The following THY1 variants were observed in gnomAD, a reference collection of about 807,000 sequenced individuals.
The protein encoded by THY1 is Thy-1 cell surface antigen.
In THY1, 10 loss-of-function variants were observed where a neutral mutation model predicts 14.9. That is an observed-to-expected ratio of 0.67 (90% confidence interval 0.41 to 1.14). THY1 has a LOEUF of 1.14. Ranked by LOEUF, THY1 falls within the 50% of genes most tolerant of loss-of-function variation. The probability of loss-of-function intolerance (pLI) is 0.00; values close to 1 mark genes in which losing one functional copy is unlikely to be tolerated. For missense variants in THY1, 159 were observed against 202.1 expected (o/e 0.79, Z 1.29); for synonymous variants, 80 against 90.0 (o/e 0.89, Z 0.63).
chr11:119,423,297 G>A, upstream of THY1: 7 of 347,896 alleles, frequency 2.0e-5, no homozygotes, highest in South Asian at 4.0e-5. Context: ...GTGGGGGGTG[G>A]GGAAGGAAGA....
Position 119,419,948 on chromosome 11 carries a change from C to T in THY1, c.373+103G>A, listed in dbSNP as rs1025000028. On this transcript the variant is annotated intron_variant, in intron 3 of 3. Coordinates refer to ENST00000284240, the MANE Select transcript of THY1 (RefSeq NM_006288.5). ...GGCAGCAGTTGGGAGAGGGTGAGAG[C>T]GTTATGGGGCTATTCTCCTCTCTAG... is the stretch of plus-strand genomic sequence containing the variant. The T allele has an allele frequency of 1.4e-5, 17 of 1,244,232 alleles. No individual in the cohort carries two copies. The East Asian group carries it at 2.3e-4, about 17-fold the overall frequency. The allele number at this position is 1,244,232 out of a possible 1,614,324, so 77.1% of individuals were successfully genotyped here. A position where few individuals can be genotyped will look rare whatever the true frequency, so the allele number is the denominator to read the frequency against.
rs1157233308 is a variant in THY1 at position 119,416,819 on chromosome 11, T to C, written c.*2589A>G. On this transcript the variant is annotated 3_prime_UTR_variant, in exon 4 of 4. Coordinates refer to ENST00000284240, the MANE Select transcript of THY1 (RefSeq NM_006288.5). ...CTTCTCTTCTCCTTTCCGAAGTCCGTGGCCCTCTGGTGGCCTCTGTGGCTT... is the reference window on the plus strand; with the variant it reads ...CTTCTCTTCTCCTTTCCGAAGTCCGCGGCCCTCTGGTGGCCTCTGTGGCTT... 6.6e-6 allele frequency among the ~76,000 whole-genome samples: 1 copy of C among 152,230 alleles called. No homozygotes were observed. The highest frequency in any genetic ancestry group is 2.4e-5 in the African/African-American group (1 of 41,472).
chr11:119,419,977 A>C, intron 3 of THY1, 74 bp downstream of exon 3: 3 of 1,480,592 alleles, frequency 2.0e-6, no homozygotes, highest in Non-Finnish European at 2.7e-6. Flanking sequence ...TCTCTAGTCC[A>C]GCCAAGGGAA....
In THY1 at chr11:119,419,144, A is replaced by C; in HGVS notation, c.*264T>G. ...TCTTCACGAACTCTCAAAGAAAAGG[A>C]AGGATAAAACCTAAATAAACCAGAC... is the stretch of plus-strand genomic sequence containing the variant. On this transcript the variant is annotated 3_prime_UTR_variant, in exon 4 of 4. Coordinates refer to ENST00000284240, the MANE Select transcript of THY1 (RefSeq NM_006288.5). 1 of 467,828 alleles carries C rather than the reference A, an allele frequency of 2.1e-6. No individual in the cohort carries two copies. Among genetic ancestry groups the C allele is most frequent in the Non-Finnish European group, 4.0e-6 (1 of 250,000 alleles). The allele number at this position is 467,828 out of a possible 1,614,324, so 29.0% of individuals were successfully genotyped here. A position where few individuals can be genotyped will look rare whatever the true frequency, so the allele number is the denominator to read the frequency against.
chr11:119,424,713 T>C (rs1044755440), upstream of THY1, among the ~76,000 whole-genome samples: 1 of 152,058 alleles, frequency 6.6e-6, no homozygotes, highest in African/African-American at 2.4e-5. Context: ...GTCTGCACTT[T>C]TCTCACGCTC....
chr11:119,419,280 A>T lies in THY1; in HGVS notation c.*128T>A. 1 of 819,876 alleles carries T rather than the reference A, an allele frequency of 1.2e-6. No individual in the cohort carries two copies. Among genetic ancestry groups the T allele is most frequent in the Non-Finnish European group, 2.1e-6 (1 of 480,636 alleles). 50.8% of individuals were successfully genotyped at this position (819,876 alleles called of 1,614,324 possible). On this transcript the variant is annotated 3_prime_UTR_variant, in exon 4 of 4. Coordinates refer to ENST00000284240, the MANE Select transcript of THY1 (RefSeq NM_006288.5). ...ATCGCATGCAGCACTGGAACTCCTG[A>T]TGAGGGGTGGGGTCCCCACTTCTCC...
chr11:119,418,939 C>CTGG lies in THY1; in HGVS notation c.*468_*469insCCA. 1 of 195,524 alleles carries CTGG rather than the reference C, an allele frequency of 5.1e-6. No individual in the cohort carries two copies. 12.1% of individuals were successfully genotyped at this position (195,524 alleles called of 1,614,324 possible). The stretch of plus-strand genomic sequence containing the variant: ...CACCAGCCATGCCTGCCGAGGAGTG[C>CTGG]TGTCAGGACAGACCATGTCCGTGCT... On this transcript the variant is annotated 3_prime_UTR_variant, in exon 4 of 4. Transcript: ENST00000284240.
At position 119,419,661 on chromosome 11, in the gene THY1, G is replaced by C. The variant is rs762509149; in HGVS notation, c.374-141C>G. 163 of 658,574 alleles carry C rather than the reference G, an allele frequency of 2.5e-4. 1 individual carries two copies. The highest frequency in any genetic ancestry group is 1.2e-3 in the South Asian group (66 of 53,778). 40.8% of individuals were successfully genotyped at this position (658,574 alleles called of 1,614,324 possible). On this transcript the variant is annotated intron_variant, in intron 3 of 3. Coordinates refer to ENST00000284240, the MANE Select transcript of THY1 (RefSeq NM_006288.5). ...CTTAGCTGGGACCAGGAACAGCCCG[G>C]TCTCACAGAACCAGCCATCTTTCCC...
rs1170243524 is a variant in THY1 at position 119,418,172 on chromosome 11, G to C, written c.*1236C>G. 5.9e-5 allele frequency: 9 copies of C among 152,662 alleles called. No homozygotes were observed. Among genetic ancestry groups the C allele is most frequent in the Admixed American group, 5.9e-4 (9 of 15,294 alleles). The allele number at this position is 152,662 out of a possible 1,614,324, so 9.5% of individuals were successfully genotyped here. ...GGAGGAGCGAAGGCCAGGTGGACACGAGGACAGATTCCAGAGGCTTGGTTT... is the reference window on the plus strand; with the variant it reads ...GGAGGAGCGAAGGCCAGGTGGACACCAGGACAGATTCCAGAGGCTTGGTTT... On this transcript the variant is annotated 3_prime_UTR_variant, in exon 4 of 4. Coordinates refer to ENST00000284240, the MANE Select transcript of THY1 (RefSeq NM_006288.5).
At chr11:119,421,315 T>C (rs1282791329) in intron 1 of THY1, 1 of 165,316 alleles carries the variant, frequency 6.0e-6, no homozygotes, top group Non-Finnish European at 1.3e-5. Context: ...ACAAAAAGCA[T>C]AATAATTACT....
At chr11:119,423,427 C>T (rs2082050), upstream of THY1, 1,282 of 354,928 alleles carry the variant, frequency 3.6e-3, 2 homozygotes, top group Non-Finnish European at 5.6e-3. Flanking sequence ...CAGGGTGCGG[C>T]AGCCCAAAGA....
At chr11:119,419,541 CG>C in intron 3 of THY1, 21 bp from the exon 4 acceptor site, 4 of 1,597,484 alleles carry the variant, frequency 2.5e-6, no homozygotes, top group Non-Finnish European at 2.6e-6. Context: ...AGAAGGGGGC[CG>C]GGGGCAGGGT....
chr11:119,423,277 G>T, upstream of THY1: 1 of 360,620 alleles, frequency 2.8e-6, no homozygotes, highest in Non-Finnish European at 5.6e-6. Context: ...AGAAAGGACG[G>T]CAGGGTGGGG....
At position 119,420,881 on chromosome 11, in the gene THY1, G is replaced by C. The variant is rs191290647; in HGVS notation, c.25C>G (p.Leu9Val). The change falls in exon 2 of 4, where the codon CTC (leucine) becomes GTC (valine). Residue 9 changes from leucine to valine, a missense_variant. Physicochemically the swap from Leu to Val is conservative, Grantham distance 32. Transcript: ENST00000284240. The stretch of plus-strand genomic sequence containing the variant: ...CCATGCCGGGTACCTGTTAGCAGGA[G>C]AGCGATGCTGATGGCCAGGTTCATG... MNLAISIA[L>V]LLTVLQVSRG... 1.0e-4 allele frequency: 168 copies of C among 1,614,164 alleles called. 4 individuals carry two copies. The Admixed American group carries it at 2.7e-3, about 26-fold the overall frequency.
rs1861926330 is a variant in THY1 at position 119,422,476 on chromosome 11, G to C, written c.-25+637C>G. The C allele has an allele frequency of 6.2e-6, 1 of 161,918 alleles. No individual in the cohort carries two copies. 10.0% of individuals were successfully genotyped at this position (161,918 alleles called of 1,614,324 possible). On this transcript the variant is annotated intron_variant, in intron 1 of 3. Coordinates refer to ENST00000284240, the MANE Select transcript of THY1 (RefSeq NM_006288.5). The surrounding 1 kb of genome is among the most constrained non-coding windows in gnomAD (Gnocchi z 7.0). ...GTGTCCTCAGGCGGCTCCAGACCCA[G>C]AGAAGGTCTGCTCTTCCTCCCTCTC...
At chr11:119,423,092 C>T (rs1485545003) in intron 1 of THY1, 21 bp downstream of exon 1, 1 of 456,092 alleles carries the variant, frequency 2.2e-6, no homozygotes, top group East Asian at 7.0e-5. Context: ...AGCCCCAGGT[C>T]CCACCGGCTC....
chr11:119,420,141 T>C lies in THY1; in HGVS notation c.283A>G (p.Thr95Ala). The change falls in exon 3 of 4, where the codon ACT becomes GCT. Residue 95 changes from threonine (T) to alanine (A), a missense_variant. Thr to Ala is a moderately conservative substitution (Grantham distance 58, BLOSUM62 0). Transcript: ENST00000284240. ...NMKVLYLSAFTSKDEGTYTCA... is the reference protein window; with the variant it reads ...NMKVLYLSAFASKDEGTYTCA... ...GTGTAGGTGCCCTCGTCCTTGCTAG[T>C]GAAGGCGGATAAGTAGAGGACCTTC... The C allele has an allele frequency of 1.9e-6, 3 of 1,614,232 alleles. No homozygotes were observed. The highest frequency in any genetic ancestry group is 2.5e-6 in the Non-Finnish European group (3 of 1,180,040).
At position 119,420,313 on chromosome 11, in the gene THY1, G is replaced by C; in HGVS notation, c.111C>G (p.Asp37Glu). The C allele has an allele frequency of 6.2e-7, 1 of 1,614,226 alleles. No homozygotes were observed. The change falls in exon 3 of 4, where the codon GAC (aspartate) becomes GAG (glutamate). Residue 37 changes from aspartate to glutamate, a missense_variant. Coordinates refer to ENST00000284240, the MANE Select transcript of THY1 (RefSeq NM_006288.5). ...AACTGCTGGTATTCTCATGGCGGCA[G>C]TCCAGACGAAGGCTCTGGTCCACTA... Reference protein sequence around the residue: ...ACLVDQSLRLDCRHENTSSSP... With the variant: ...ACLVDQSLRLECRHENTSSSP...
rs1391911740 is a variant in THY1, at chr11:119,417,522, CCT to C, written c.*1884_*1885del. 6.6e-6 allele frequency: 1 copy of C among 152,222 alleles called. No homozygotes were observed. Among genetic ancestry groups the C allele is most frequent in the Non-Finnish European group, 1.5e-5 (1 of 68,060 alleles). 9.4% of individuals were successfully genotyped at this position (152,222 alleles called of 1,614,324 possible). A position where few individuals can be genotyped will look rare whatever the true frequency, so the allele number is the denominator to read the frequency against. On this transcript the variant is annotated 3_prime_UTR_variant, in exon 4 of 4. Coordinates refer to ENST00000284240, the MANE Select transcript of THY1 (RefSeq NM_006288.5). ...AAGCAGGGAGGCTGGCTTGGGGCTGCCTCTCTGACTCTGACAGCAGTTGGAAC... is the reference window on the plus strand; with the variant it reads ...AAGCAGGGAGGCTGGCTTGGGGCTGCCTCTGACTCTGACAGCAGTTGGAAC...
Sources: gnomAD v4.1 joint callset for allele counts (sites outside exome capture counted in the v4.1 genomes callset) on GRCh38, gnomAD v4.1.1 for gene constraint, Gnocchi (gnomAD v3.1) non-coding constraint, MANE v1.5 for transcripts, NCBI Gene and HGNC (gene_info 2026-07-23, HGNC 2026-07-21) for gene names.